GLDC: variants seen among roughly 807,000 people sequenced by gnomAD.
GLDC encodes glycine dehydrogenase (decarboxylating), mitochondrial.
GLDC carries 104 observed loss-of-function variants against 121.3 expected under a neutral mutation model. The observed-to-expected ratio is 0.86, with a 90% CI of 0.73 to 1.01. The LOEUF (loss-of-function observed/expected upper bound fraction) is 1.01. GLDC is among the 50% of genes least tolerant of loss of function. GLDC has a pLI of 0.00. For synonymous variants in GLDC, 546 were observed against 480.6 expected (o/e 1.14, Z -1.78); for missense variants, 1,429 against 1,306.6 (o/e 1.09, Z -1.44).
chr9:6,643,274 G>C (rs1819664706), intron 2 of GLDC, among the ~76,000 whole-genome samples: 1 of 151,644 alleles, frequency 6.6e-6, no homozygotes, highest in African/African-American at 2.4e-5. Context: ...GTTCAATTCA[G>C]CAAAACATGC....
chr9:6,551,488 C>T (rs1418676463), intron 20 of GLDC, among the ~76,000 whole-genome samples: 1 of 152,208 alleles, frequency 6.6e-6, no homozygotes, highest in Non-Finnish European at 1.5e-5. Context: ...TTATGGCCTA[C>T]TTTCTTCCCA....
intron 22 of GLDC, 65 bp downstream of exon 22, chr9:6,539,986 T>C: frequency 3.9e-6 from 4 of 1,025,100 alleles, no homozygotes; most frequent in Non-Finnish European, 4.7e-6. Context: ...GCATTTTCCA[T>C]TTGTGCTTTA....
chr9:6,591,231 C>A (rs1253892679), intron 11 of GLDC, among the ~76,000 whole-genome samples: 1 of 152,206 alleles, frequency 6.6e-6, no homozygotes, highest in Non-Finnish European at 1.5e-5. Flanking sequence ...ACTGCTTTCT[C>A]CAGTGTCTAG....
At chr9:6,533,672 G>A (rs545069915) in intron 24 of GLDC, among the ~76,000 whole-genome samples, 5 of 151,852 alleles carry the variant, frequency 3.3e-5, no homozygotes, top group Admixed American at 2.6e-4. Flanking sequence ...CAGCCTGATC[G>A]ACATGGAGAA....
rs760349866 is a variant in GLDC at position 6,540,143 on chromosome 9, T to G, written c.2573A>C (p.Tyr858Ser). ...YRILFRGARG[Y>S]VGHEFILDTR... ...GTCCAAAATAAATTCATGACCCACATAACCTGTTCAGGAAAGTTGTTTCAG... is the reference window on the plus strand; with the variant it reads ...GTCCAAAATAAATTCATGACCCACAGAACCTGTTCAGGAAAGTTGTTTCAG... The change falls in exon 22 of 25, where the codon TAT becomes TCT. Residue 858 changes from tyrosine (Y) to serine (S), a missense_variant. Tyr to Ser is a moderately radical substitution (Grantham distance 144). Coordinates refer to ENST00000321612, the MANE Select transcript of GLDC (RefSeq NM_000170.3). 8.1e-6 allele frequency: 13 copies of G among 1,603,534 alleles called. No individual in the cohort carries two copies. The highest frequency in any genetic ancestry group is 1.7e-5 in the Admixed American group (1 of 59,990).
rs1054266262 is a variant in GLDC, at chr9:6,568,488, C to A, written c.1851-3059G>T. 5.3e-5 allele frequency among the ~76,000 whole-genome samples: 8 copies of A among 152,224 alleles called. No individual in the cohort carries two copies. The South Asian group carries it at 1.7e-3, about 32-fold the overall frequency. On this transcript the variant is annotated intron_variant, in intron 15 of 24. Coordinates refer to ENST00000321612, the MANE Select transcript of GLDC (RefSeq NM_000170.3). ...GAATGGTCTGGAGCTGCAGGGCTGG[C>A]CAGTGAACGGGGAGCCTCAGAAACA...
chr9:6,641,551 G>C (rs959123735), intron 2 of GLDC, among the ~76,000 whole-genome samples: 9 of 152,180 alleles, frequency 5.9e-5, no homozygotes, highest in Admixed American at 2.6e-4. Flanking sequence ...TTTGAATTCT[G>C]CCTCCATCAC....
rs10975693 is a variant in GLDC, at chr9:6,616,361, A to C, written c.470+3823T>G. On this transcript the variant is annotated intron_variant, in intron 3 of 24. Coordinates refer to ENST00000321612, the MANE Select transcript of GLDC (RefSeq NM_000170.3). ...AGGTTAATGTTATTTAGCATTGCTA[A>C]AGGTAGAGACCTTTAAAATTGTTGT... Among the ~76,000 whole-genome samples the C allele has an allele frequency of 5.8e-3, 880 of 152,314 alleles. 3 individuals carry two copies. Among genetic ancestry groups the C allele is most frequent in the Non-Finnish European group, 8.8e-3 (596 of 68,026 alleles).
Position 6,592,909 on chromosome 9 carries a change from T to C in GLDC, c.1343A>G (p.Glu448Gly), listed in dbSNP as rs1051937256. 3 of 1,613,874 alleles carry C rather than the reference T, an allele frequency of 1.9e-6. No individual in the cohort carries two copies. Among genetic ancestry groups the C allele is most frequent in the Admixed American group, 1.7e-5 (1 of 60,018 alleles). Residue 448 changes from glutamate to glycine, a missense_variant, in exon 10 of 25, where the codon GAG (glutamate) becomes GGG (glycine). By Grantham distance (98) the Glu-to-Gly change is moderately conservative. Coordinates refer to ENST00000321612, the MANE Select transcript of GLDC (RefSeq NM_000170.3). Reference sequence around the variant, plus strand: ...CCGCTGAGCGGCCCTGCCCAAGACCTCCTTCACTGAGCAGCCACACTGAAT... The same window carrying C: ...CCGCTGAGCGGCCCTGCCCAAGACCCCCTTCACTGAGCAGCCACACTGAAT... Reference protein sequence around the residue: ...LKIQCGCSVKEVLGRAAQRQI... With the variant: ...LKIQCGCSVKGVLGRAAQRQI...
At chr9:6,642,515 A>T (rs563188964) in intron 2 of GLDC, among the ~76,000 whole-genome samples, 2 of 152,322 alleles carry the variant, frequency 1.3e-5, no homozygotes, top group African/African-American at 4.8e-5. Flanking sequence ...TGGGCAACAG[A>T]ACAAGAATCC....
At chr9:6,549,556 C>G (rs974149773) in intron 21 of GLDC, among the ~76,000 whole-genome samples, 1 of 152,140 alleles carries the variant, frequency 6.6e-6, no homozygotes, top group Admixed American at 6.5e-5. Context: ...CTACTTGAGG[C>G]GTTTTGTTCT....
intron 15 of GLDC, among the ~76,000 whole-genome samples, chr9:6,572,090 G>C (rs1310957286): frequency 6.6e-6 from 1 of 151,820 alleles, no homozygotes; most frequent in Non-Finnish European, 1.5e-5. Flanking sequence ...AAATTTCTGG[G>C]AAAAACAAAA....
intron 16 of GLDC, among the ~76,000 whole-genome samples, chr9:6,559,236 C>A (rs1000264491): frequency 6.6e-6 from 1 of 152,144 alleles, no homozygotes; most frequent in Non-Finnish European, 1.5e-5. Flanking sequence ...TCAACCCGGC[C>A]AGGTGCAGTG....
intron 2 of GLDC, among the ~76,000 whole-genome samples, chr9:6,621,013 G>C (rs1219881498): frequency 6.6e-6 from 1 of 151,976 alleles, no homozygotes; most frequent in African/African-American, 2.4e-5. Flanking sequence ...ACCAAAAAAG[G>C]CAAAAAATTA....
chr9:6,604,853 ATTATC>A, intron 6 of GLDC, 69 bp from the exon 7 acceptor site: 1 of 1,276,798 alleles, frequency 7.8e-7, no homozygotes. Flanking sequence ...AGAGTAGGAA[ATTATC>A]TTAACTACAG....
chr9:6,577,591 A>G lies in GLDC; in HGVS notation c.1850+9550T>C, dbSNP rs1818091775. On this transcript the variant is annotated intron_variant, in intron 15 of 24. Coordinates refer to ENST00000321612, the MANE Select transcript of GLDC (RefSeq NM_000170.3). ...ATGATCAAGGCTTTAAAAATTTTAA[A>G]TAATCTAAAAACATAAGGACAAAAA... Among the ~76,000 whole-genome samples, 2 of 152,354 alleles carry G rather than the reference A, an allele frequency of 1.3e-5. 1 individual carries two copies. Among genetic ancestry groups the G allele is most frequent in the South Asian group, 4.1e-4 (2 of 4,822 alleles).
At chr9:6,538,937 T>A (rs1419998489) in intron 22 of GLDC, among the ~76,000 whole-genome samples, 2 of 152,206 alleles carry the variant, frequency 1.3e-5, no homozygotes, top group Non-Finnish European at 2.9e-5. Flanking sequence ...GGCTTTCCCA[T>A]CTATTATCAG....
intron 11 of GLDC, 77 bp from the exon 12 acceptor site, chr9:6,589,369 C>G: frequency 1.2e-6 from 1 of 837,832 alleles, no homozygotes; most frequent in Non-Finnish European, 2.1e-6. Flanking sequence ...TTCTGGGTGG[C>G]TGGGCCACAA....
intron 4 of GLDC, among the ~76,000 whole-genome samples, chr9:6,607,402 G>A (rs1818756964): frequency 6.6e-6 from 1 of 151,950 alleles, no homozygotes; most frequent in East Asian, 1.9e-4. Context: ...GACCAACATA[G>A]CAAAACCCCA....
Sources: gnomAD v4.1 joint callset for allele counts (sites outside exome capture counted in the v4.1 genomes callset) on GRCh38, gnomAD v4.1.1 for gene constraint, MANE v1.5 for transcripts, NCBI Gene and HGNC (gene_info 2026-07-23, HGNC 2026-07-21) for gene names.